The following CCT2 variants were observed in gnomAD, a reference collection of about 807,000 sequenced individuals.
The protein encoded by CCT2 is T-complex protein 1 subunit beta.
Under a neutral mutation model 61.8 loss-of-function variants are expected in CCT2, and 18 were observed. The ratio of observed to expected loss-of-function variants is 0.29; its 90% confidence interval spans 0.20 to 0.43. The LOEUF (loss-of-function observed/expected upper bound fraction) is 0.43. Among genes scored for constraint, CCT2 ranks in the 20% least tolerant of loss-of-function variants. The pLI, the probability that CCT2 is intolerant of heterozygous loss-of-function variation, is 1.00. For synonymous variants in CCT2, 248 were observed against 215.9 expected (o/e 1.15, Z -1.30); for missense variants, 556 against 656.9 (o/e 0.85, Z 1.68).
chr12:69,591,990 G>A (rs994228858), intron 7 of CCT2, 69 bp from the exon 8 acceptor site: 1 of 753,334 alleles, frequency 1.3e-6, no homozygotes, highest in Non-Finnish European at 2.1e-6. Flanking sequence ...AAAGCAGACA[G>A]CTTTTTATAA....
At position 69,601,358 on chromosome 12, in the gene CCT2, T is replaced by C; in HGVS notation, c.*33T>C. The C allele has an allele frequency of 6.2e-7, 1 of 1,614,038 alleles. No homozygotes were observed. Among genetic ancestry groups the C allele is most frequent in the Non-Finnish European group, 8.5e-7 (1 of 1,179,952 alleles). ...CACGTGCTGTCGATCTTTGGACCAG[T>C]TTCTAGCAAAGTTGTGTTTGAAAGA... On this transcript the variant is annotated 3_prime_UTR_variant, in exon 16 of 16. Transcript: ENST00000299300.
At chr12:69,585,877 G>A in intron 1 of CCT2, 2 of 1,297,312 alleles carry the variant, frequency 1.5e-6, no homozygotes, top group Admixed American at 3.6e-5. Context: ...GCCATCAGAG[G>A]GTGGAGGGGC....
intron 15 of CCT2, 57 bp from the exon 16 acceptor site, chr12:69,601,238 T>A (rs539255903): frequency 1.5e-6 from 2 of 1,374,944 alleles, no homozygotes; most frequent in South Asian, 2.6e-5. Context: ...AGTATAATAC[T>A]TTGGATAAAA....
intron 2 of CCT2, among the ~76,000 whole-genome samples, 181 bp downstream of exon 2, chr12:69,586,525 G>A (rs186579572): frequency 1.3e-5 from 2 of 152,150 alleles, no homozygotes; most frequent in East Asian, 3.9e-4. Flanking sequence ...AAAATTAGCC[G>A]GGCGTGGTGA....
At chr12:69,589,279 C>A (rs967436382) in intron 6 of CCT2, 5 of 516,002 alleles carry the variant, frequency 9.7e-6, no homozygotes, top group Non-Finnish European at 1.6e-5. Flanking sequence ...GGCCCCCACC[C>A]CTCTTTTTTT....
intron 1 of CCT2, 143 bp downstream of exon 1, chr12:69,585,667 C>T: frequency 6.6e-7 from 1 of 1,524,930 alleles, no homozygotes; most frequent in Non-Finnish European, 8.8e-7. Flanking sequence ...ATGCGCGGGG[C>T]GTGCGGCCTG....
chr12:69,600,658 T>TC (rs3837482), intron 15 of CCT2, among the ~76,000 whole-genome samples: 27,739 of 151,938 alleles, frequency 0.18, 2,795 homozygotes, highest in Middle Eastern at 0.29. Flanking sequence ...AGCATCCTAG[T>TC]CCCCCCATAA....
chr12:69,586,854 G>A, intron 3 of CCT2, 36 bp downstream of exon 3: 1 of 1,254,742 alleles, frequency 8.0e-7, no homozygotes, highest in South Asian at 1.4e-5. Context: ...TTTTAATATT[G>A]TTTTAGAGCG....
chr12:69,594,816 A>G (rs1435951212), intron 10 of CCT2, among the ~76,000 whole-genome samples: 4 of 151,374 alleles, frequency 2.6e-5, no homozygotes, highest in Non-Finnish European at 5.9e-5. Flanking sequence ...ACTGCAGTCC[A>G]TCCTAAGTGA....
rs1259438887 is a variant in CCT2, at chr12:69,601,392, T to TA, written c.*70dup. The TA allele has an allele frequency of 3.7e-6, 6 of 1,613,530 alleles. No homozygotes were observed. Among genetic ancestry groups the TA allele is most frequent in the Non-Finnish European group, 8.5e-7 (1 of 1,179,786 alleles). ...AAGTTGTGTTTGAAAGATACTCTATTAAAGAAGACTGTGGAATCTGTTTAT... is the reference window on the plus strand; with the variant it reads ...AAGTTGTGTTTGAAAGATACTCTATTAAAAGAAGACTGTGGAATCTGTTTAT... On this transcript the variant is annotated 3_prime_UTR_variant, in exon 16 of 16. Coordinates refer to ENST00000299300, the MANE Select transcript of CCT2 (RefSeq NM_006431.3).
In CCT2 at chr12:69,585,509, A is replaced by G. The variant is rs1232081125; in HGVS notation, c.-13A>G. ...GTGAGGGGATTCACTTGTGTGCGGA[A>G]CTCCTCGGAACCATGGTGAGCCTGA... On this transcript the variant is annotated 5_prime_UTR_variant, in exon 1 of 16. Coordinates refer to ENST00000299300, the MANE Select transcript of CCT2 (RefSeq NM_006431.3). The G allele has an allele frequency of 6.4e-7, 1 of 1,566,290 alleles. No homozygotes were observed. The highest frequency in any genetic ancestry group is 8.7e-7 in the Non-Finnish European group (1 of 1,154,634).
Position 69,585,543 on chromosome 12 carries a change from CCTCTTGCCCTACCCCTGCTCCGCCGTG to C in CCT2, c.3+28_3+54del. ...AACCATGGTGAGCCTGACTCCCCTG[CCTCTTGCCCTACCCCTGCTCCGCCGTG>C]CTCTTGCCACCCCACTGCTTCCTCT... is the stretch of plus-strand genomic sequence containing the variant. On this transcript the variant is annotated intron_variant, in intron 1 of 15. Coordinates refer to ENST00000299300, the MANE Select transcript of CCT2 (RefSeq NM_006431.3). 1.9e-6 allele frequency: 3 copies of C among 1,571,044 alleles called. No individual in the cohort carries two copies. Among genetic ancestry groups the C allele is most frequent in the South Asian group, 1.2e-5 (1 of 85,510 alleles).
At chr12:69,601,271 T>A (rs774760295) in intron 15 of CCT2, 24 bp from the exon 16 acceptor site, 1 of 1,577,520 alleles carries the variant, frequency 6.3e-7, no homozygotes, top group Non-Finnish European at 8.6e-7. Flanking sequence ...TTTTTCACTA[T>A]TGACTTTTTT....
chr12:69,585,673 G>T (rs1881624908), intron 1 of CCT2, 149 bp downstream of exon 1: 2 of 1,520,560 alleles, frequency 1.3e-6, no homozygotes, highest in Admixed American at 2.0e-5. Flanking sequence ...GGGGCGTGCG[G>T]CCTGCGCCAG....
chr12:69,601,364 G>A lies in CCT2; in HGVS notation c.*39G>A. The stretch of plus-strand genomic sequence containing the variant: ...CTGTCGATCTTTGGACCAGTTTCTA[G>A]CAAAGTTGTGTTTGAAAGATACTCT... On this transcript the variant is annotated 3_prime_UTR_variant, in exon 16 of 16. Transcript: ENST00000299300. 3 of 1,613,856 alleles carry A rather than the reference G, an allele frequency of 1.9e-6. No homozygotes were observed. Among genetic ancestry groups the A allele is most frequent in the Non-Finnish European group, 1.7e-6 (2 of 1,179,876 alleles).
intron 14 of CCT2, 45 bp downstream of exon 14, chr12:69,598,466 CTT>C (rs1388972001): frequency 2.5e-6 from 3 of 1,197,690 alleles, no homozygotes; most frequent in Admixed American, 4.8e-5. Context: ...AAAAGTAACT[CTT>C]TTCACTAAGC....
intron 1 of CCT2, chr12:69,585,801 A>G (rs1167947158): frequency 2.2e-6 from 3 of 1,368,198 alleles, no homozygotes; most frequent in Non-Finnish European, 2.8e-6. Context: ...CGGAGCGAAG[A>G]AATTTCTAGT....
chr12:69,588,449 T>A (rs1881732325), intron 6 of CCT2, 187 bp downstream of exon 6: 1 of 553,060 alleles, frequency 1.8e-6, no homozygotes, highest in East Asian at 3.0e-5. Flanking sequence ...GTTTTTAGTC[T>A]TTTTGTATAT....
At chr12:69,593,167 CTTATA>C in intron 9 of CCT2, 64 bp downstream of exon 9, 1 of 1,406,530 alleles carries the variant, frequency 7.1e-7, no homozygotes, top group Non-Finnish European at 9.8e-7. Context: ...TTCATATTTA[CTTATA>C]TTGAATTAGA....
Sources: allele counts gnomAD v4.1 joint callset (sites outside exome capture counted in the v4.1 genomes callset), GRCh38; gene constraint gnomAD v4.1.1; transcripts MANE v1.5; gene names NCBI Gene and HGNC (gene_info 2026-07-23, HGNC 2026-07-21).